Variants in TUSC3 observed in about 807,000 individuals in gnomAD.
TUSC3 encodes the protein dolichyl-diphosphooligosaccharide--protein glycosyltransferase subunit TUSC3.
In TUSC3, 45 loss-of-function variants were observed where a neutral mutation model predicts 44.8. The observed-to-expected ratio is 1.00, with a 90% CI of 0.79 to 1.29. The LOEUF is 1.29. Among genes scored for constraint, TUSC3 ranks in the 50% most tolerant of loss-of-function variants. TUSC3 has a pLI of 0.00. For missense variants in TUSC3, 519 were observed against 437.9 expected, an observed-to-expected ratio of 1.19 and a Z score of -1.65; for synonymous variants, 212 against 152.9, an observed-to-expected ratio of 1.39 and a Z score of -2.85.
At chr8:15,560,712 C>CT (rs973143470) in intron 1 of TUSC3, among the ~76,000 whole-genome samples, 1 of 114,392 alleles carries the variant, frequency 8.7e-6, no homozygotes, top group Non-Finnish European at 1.9e-5. Context: ...TCTTTTTATT[C>CT]TTTTTTCTCT....
chr8:15,787,576 AT>A, the TUSC3 span, among the ~76,000 whole-genome samples: 1 of 152,188 alleles, frequency 6.6e-6, no homozygotes. Context: ...ACTTCTGTAT[AT>A]TTTCTCACAA....
the TUSC3 span, among the ~76,000 whole-genome samples, chr8:15,805,951 T>C: frequency 6.6e-6 from 1 of 152,206 alleles, no homozygotes; most frequent in East Asian, 1.9e-4. Context: ...TCATGTTTAC[T>C]TAAGTGTCAA....
At chr8:15,820,270 T>C in the TUSC3 span, among the ~76,000 whole-genome samples, 1,458 of 151,962 alleles carry the variant, frequency 9.6e-3, 31 homozygotes, top group African/African-American at 0.033. Context: ...TTGTTAAGAA[T>C]TTCTGCCTGT....
Position 15,476,975 on chromosome 8 carries a change from A to G in TUSC3, n.92-6411A>G, listed in dbSNP as rs374585175. Reference sequence around the variant, plus strand: ...AGTGAAGTTACAAAGTTACACTTCTATGCACACGAAGAGTTGGATTGCAAT... The same window carrying G: ...AGTGAAGTTACAAAGTTACACTTCTGTGCACACGAAGAGTTGGATTGCAAT... On this transcript the variant is annotated intron_variant and non_coding_transcript_variant, in intron 1 of 5. Transcript: ENST00000503191. 6.0e-4 allele frequency among the ~76,000 whole-genome samples: 91 copies of G among 152,324 alleles called. 1 individual carries two copies. The South Asian group carries it at 0.017, about 28-fold the overall frequency.
chr8:15,736,352 A>G (rs1197697366), intron 7 of TUSC3, among the ~76,000 whole-genome samples: 1 of 152,242 alleles, frequency 6.6e-6, no homozygotes, highest in African/African-American at 2.4e-5. Context: ...AATATCATGA[A>G]GTGAAAATAT....
intron 1 of TUSC3, among the ~76,000 whole-genome samples, chr8:15,596,144 A>G (rs1804056448): frequency 6.6e-6 from 1 of 152,216 alleles, no homozygotes; most frequent in Non-Finnish European, 1.5e-5. Context: ...ATTCTTTCCT[A>G]TTTTATAGTC....
chr8:15,458,273 C>T (rs1233735943), intron 1 of TUSC3, among the ~76,000 whole-genome samples: 1 of 152,128 alleles, frequency 6.6e-6, no homozygotes, highest in Non-Finnish European at 1.5e-5. Context: ...AGGTCTTACT[C>T]TGTGGCCCAT....
rs140092209 is a variant in TUSC3, at chr8:15,762,529, T to G, written c.*47-1674T>G. Among the ~76,000 whole-genome samples the G allele has an allele frequency of 4.9e-4, 74 of 152,234 alleles. No homozygotes were observed. In the East Asian group the frequency reaches 0.011, roughly 22 times the overall value. On this transcript the variant is annotated intron_variant, in intron 10 of 10. Coordinates refer to ENST00000503731, the MANE Select transcript of TUSC3 (RefSeq NM_006765.4). ...ATAAAATTACCAGTATGGATCAGAT[T>G]AGTATTTTTGCTTTTACAGGGGTAA... is the stretch of plus-strand genomic sequence containing the variant.
At chr8:15,557,012 G>T (rs1450305855) in intron 1 of TUSC3, among the ~76,000 whole-genome samples, 2 of 142,844 alleles carry the variant, frequency 1.4e-5, no homozygotes, top group Admixed American at 7.1e-5. Flanking sequence ...AGTTTAATTA[G>T]ATCCCATTTG....
the TUSC3 span, among the ~76,000 whole-genome samples, chr8:15,832,750 G>T: frequency 6.6e-6 from 1 of 152,094 alleles, no homozygotes; most frequent in Admixed American, 6.6e-5. Flanking sequence ...ATATATATAT[G>T]CACCCAACAC....
At chr8:15,806,202 C>A in the TUSC3 span, 1 of 496,806 alleles carries the variant, frequency 2.0e-6, no homozygotes, top group South Asian at 1.9e-5. Flanking sequence ...ATAAAGATTC[C>A]GTCTTTTATA....
Position 15,764,442 on chromosome 8 carries a change from C to G in TUSC3, c.*286C>G, listed in dbSNP as rs14732. On this transcript the variant is annotated 3_prime_UTR_variant, in exon 11 of 11. Coordinates refer to ENST00000503731, the MANE Select transcript of TUSC3 (RefSeq NM_006765.4). ...AAGTGTTTTTCAAGCCTGTTATATTCAGTGTGTGCCACAGGATTGAAATAA... is the reference window on the plus strand; with the variant it reads ...AAGTGTTTTTCAAGCCTGTTATATTGAGTGTGTGCCACAGGATTGAAATAA... 1.8e-3 allele frequency: 871 copies of G among 484,978 alleles called. 7 individuals are homozygous for G. Among genetic ancestry groups the G allele is most frequent in the African/African-American group, 0.016 (805 of 50,850 alleles). 30.0% of individuals were successfully genotyped at this position (484,978 alleles called of 1,614,324 possible).
intron 2 of TUSC3, among the ~76,000 whole-genome samples, chr8:15,639,304 A>T (rs1227630974): frequency 1.3e-5 from 2 of 152,084 alleles, no homozygotes; most frequent in Non-Finnish European, 2.9e-5. Context: ...GATGATGATC[A>T]TGTGTTGATG....
At chr8:15,740,728 G>C (rs541090550) in intron 7 of TUSC3, among the ~76,000 whole-genome samples, 2 of 152,108 alleles carry the variant, frequency 1.3e-5, no homozygotes, top group African/African-American at 4.8e-5. Flanking sequence ...ATGATTGTAC[G>C]TAGCGAATTT....
At position 15,631,940 on chromosome 8, in the gene TUSC3, C is replaced by T. The variant is rs149202870; in HGVS notation, c.308+8691C>T. On this transcript the variant is annotated intron_variant, in intron 2 of 10. Transcript: ENST00000503731. Reference sequence around the variant, plus strand: ...GCCAGGCTGGTCTTGAACTCCTGACCTCCTGATCCGCCTGCCTTGGCCTCC... The same window carrying T: ...GCCAGGCTGGTCTTGAACTCCTGACTTCCTGATCCGCCTGCCTTGGCCTCC... Among the ~76,000 whole-genome samples, 808 of 152,216 alleles carry T rather than the reference C, an allele frequency of 5.3e-3. 2 individuals are homozygous for T. Among genetic ancestry groups the T allele is most frequent in the African/African-American group, 0.018 (729 of 41,530 alleles).
At chr8:15,728,751 G>A (rs1177040940) in intron 6 of TUSC3, among the ~76,000 whole-genome samples, 1 of 152,132 alleles carries the variant, frequency 6.6e-6, no homozygotes, top group Non-Finnish European at 1.5e-5. Context: ...CAACACCTGG[G>A]AAGGCTGAGT....
intron 1 of TUSC3, among the ~76,000 whole-genome samples, chr8:15,600,709 A>G (rs1343031643): frequency 1.3e-5 from 2 of 151,698 alleles, no homozygotes; most frequent in Non-Finnish European, 3.0e-5. Flanking sequence ...GTTAAGAATT[A>G]AAATCACTTT....
chr8:15,562,408 G>C (rs971843352), intron 1 of TUSC3, among the ~76,000 whole-genome samples: 2 of 152,100 alleles, frequency 1.3e-5, no homozygotes, highest in African/African-American at 4.8e-5. Context: ...TAAGAAATAG[G>C]ATGTAAAGTG....
the TUSC3 span, among the ~76,000 whole-genome samples, chr8:15,837,518 C>T: frequency 3.9e-5 from 6 of 152,144 alleles, no homozygotes; most frequent in South Asian, 1.0e-3. Context: ...TTTCGTCTTT[C>T]CCCCATGTTC....
Sources: gnomAD v4.1 joint callset for allele counts (sites outside exome capture counted in the v4.1 genomes callset) on GRCh38, gnomAD v4.1.1 for gene constraint, MANE v1.5 for transcripts, NCBI Gene and HGNC (gene_info 2026-07-23, HGNC 2026-07-21) for gene names.